The following TLR6 variants were observed in gnomAD, a reference collection of about 807,000 sequenced individuals.
TLR6 encodes the protein toll like receptor 6.
A neutral mutation model predicts 16.1 loss-of-function variants in TLR6; 9 were observed. The ratio of observed to expected loss-of-function variants is 0.56; its 90% CI spans 0.34 to 0.98. TLR6 has a LOEUF of 0.98. Ranked by LOEUF, TLR6 falls within the 50% of genes least tolerant of loss-of-function variation. TLR6 has a pLI of 0.02. For missense variants in TLR6, 786 were observed against 921.0 expected, an observed-to-expected ratio of 0.85 and a Z score of 1.90; for synonymous variants, 340 against 338.6, an observed-to-expected ratio of 1.00 and a Z score of -0.04.
At chr4:38,828,313 A>G in exon 2 of TLR6, 1 of 1,613,512 alleles carries the variant, frequency 6.2e-7, no homozygotes, top group South Asian at 1.1e-5. Context: ...CTTTTAATCC[A>G]TTCTTTTGTA....
intron 1 of TLR6, among the ~76,000 whole-genome samples, chr4:38,844,793 C>T (rs140422291): frequency 4.6e-4 from 70 of 152,282 alleles, no homozygotes; most frequent in African/African-American, 1.6e-3. Context: ...GTGGCTCATA[C>T]CTGTAATCCC....
intron 1 of TLR6, among the ~76,000 whole-genome samples, chr4:38,834,064 T>TA (rs372189493): frequency 0.17 from 23,305 of 137,368 alleles, 2,232 homozygotes; most frequent in Middle Eastern, 0.41. Context: ...ATATCTGTAC[T>TA]AAAAAAAAAA....
intron 1 of TLR6, among the ~76,000 whole-genome samples, chr4:38,853,229 G>C (rs1307220055): frequency 8.0e-6 from 1 of 125,266 alleles, no homozygotes; most frequent in African/African-American, 3.0e-5. Flanking sequence ...GGGGCCTGTC[G>C]TGGGGTGGGG....
chr4:38,854,274 C>T (rs1239670971), intron 1 of TLR6, among the ~76,000 whole-genome samples: 1 of 152,136 alleles, frequency 6.6e-6, no homozygotes, highest in Non-Finnish European at 1.5e-5. Context: ...TGCTATAAAA[C>T]ATATTCAGTA....
intron 1 of TLR6, among the ~76,000 whole-genome samples, chr4:38,849,793 C>A (rs1560271552): frequency 6.6e-6 from 1 of 152,144 alleles, no homozygotes; most frequent in Non-Finnish European, 1.5e-5. Context: ...TAATGGGAGA[C>A]TTTAACACCC....
chr4:38,861,156 C>A (rs960728713), upstream of TLR6, among the ~76,000 whole-genome samples: 1 of 151,964 alleles, frequency 6.6e-6, no homozygotes, highest in South Asian at 2.1e-4. Flanking sequence ...CTTCTCATTG[C>A]AGTCATCTAG....
At chr4:38,853,393 G>T (rs144386856) in intron 1 of TLR6, among the ~76,000 whole-genome samples, 2,163 of 150,676 alleles carry the variant, frequency 0.014, 40 homozygotes, top group East Asian at 0.068. Context: ...AAAAAAAAAA[G>T]AATGCACACA....
chr4:38,860,011 C>T (rs1031062995), upstream of TLR6, among the ~76,000 whole-genome samples: 8 of 152,056 alleles, frequency 5.3e-5, no homozygotes, highest in Admixed American at 2.0e-4. Flanking sequence ...TGTCCCAATA[C>T]AGACACAGGC....
Position 38,853,219 on chromosome 4 carries a change from G to A in TLR6, c.-65+3542C>T, listed in dbSNP as rs567699586. ...CACAGGAAAGGGAACATAACACACT[G>A]GGGCCTGTCGTGGGGTGGGGGGAGG... On this transcript the variant is annotated intron_variant, in intron 1 of 1. Transcript: ENST00000436693. 8.2e-4 allele frequency among the ~76,000 whole-genome samples: 111 copies of A among 135,192 alleles called. 3 individuals are homozygous for A. Among genetic ancestry groups the A allele is most frequent in the African/African-American group, 2.8e-3 (101 of 35,942 alleles). The allele number at this position is 135,192 out of a possible 152,430, so 88.7% of individuals were successfully genotyped here. A position where few individuals can be genotyped will look rare whatever the true frequency, so the allele number is the denominator to read the frequency against.
At chr4:38,829,028 T>C in exon 2 of TLR6, 1 of 1,614,138 alleles carries the variant, frequency 6.2e-7, no homozygotes, top group Non-Finnish European at 8.5e-7. Flanking sequence ...TCCCAAGAAA[T>C]TCAGTTGTGA....
In TLR6 at chr4:38,827,445, T is replaced by G. The variant is rs972332343; in HGVS notation, c.2029A>C (p.Asn677His). Reference sequence around the variant, plus strand: ...ACAATGCTCTTGCCAGGGACAAAGTTTCTCTCATGAAGACAAATCTGTATA... The same window carrying G: ...ACAATGCTCTTGCCAGGGACAAAGTGTCTCTCATGAAGACAAATCTGTATA... Residue 677 changes from asparagine (N) to histidine (H), a missense_variant, in exon 2 of 2, where the codon AAC becomes CAC. Physicochemically the swap from Asn to His is moderately conservative, Grantham distance 68 (BLOSUM62 1). Coordinates refer to ENST00000436693, the Ensembl canonical transcript of TLR6. 6.2e-7 allele frequency: 1 copy of G among 1,614,230 alleles called. No homozygotes were observed. Among genetic ancestry groups the G allele is most frequent in the Non-Finnish European group, 8.5e-7 (1 of 1,180,038 alleles).
chr4:38,856,575 C>T (rs978557622), intron 1 of TLR6, among the ~76,000 whole-genome samples, 186 bp downstream of exon 1: 1 of 152,204 alleles, frequency 6.6e-6, no homozygotes, highest in African/African-American at 2.4e-5. Flanking sequence ...AAAGACGCTG[C>T]TCTTCATCCT....
chr4:38,844,450 A>G (rs892823800), intron 1 of TLR6, among the ~76,000 whole-genome samples: 4 of 152,240 alleles, frequency 2.6e-5, no homozygotes, highest in Non-Finnish European at 4.4e-5. Context: ...AAATGTTACA[A>G]AACACATGGA....
At chr4:38,855,338 G>C (rs1712939201) in intron 1 of TLR6, among the ~76,000 whole-genome samples, 1 of 151,974 alleles carries the variant, frequency 6.6e-6, no homozygotes, top group Non-Finnish European at 1.5e-5. Context: ...ACTAATAATA[G>C]TGGTTCTCTG....
the TLR6 span, among the ~76,000 whole-genome samples, chr4:38,865,663 A>G: frequency 6.6e-6 from 1 of 152,248 alleles, no homozygotes; most frequent in African/African-American, 2.4e-5. Context: ...TCGCAAAGCC[A>G]GAACTGGAAG....
intron 1 of TLR6, among the ~76,000 whole-genome samples, chr4:38,846,684 G>A (rs987858182): frequency 6.6e-6 from 1 of 152,118 alleles, no homozygotes; most frequent in Non-Finnish European, 1.5e-5. Context: ...GTACCAAAAA[G>A]TATTGATGAC....
the TLR6 span, among the ~76,000 whole-genome samples, chr4:38,862,566 C>A: frequency 6.7e-6 from 1 of 150,142 alleles, no homozygotes; most frequent in Non-Finnish European, 1.5e-5. Context: ...CAGGCGTGTG[C>A]CACCACACCT....
chr4:38,827,697 C>T, exon 2 of TLR6: 1 of 1,614,210 alleles, frequency 6.2e-7, no homozygotes, highest in Non-Finnish European at 8.5e-7. Context: ...AGCATGGTGG[C>T]ACCGATGGTG....
intron 1 of TLR6, among the ~76,000 whole-genome samples, chr4:38,855,114 A>T (rs1310876756): frequency 6.6e-6 from 1 of 151,476 alleles, no homozygotes. Flanking sequence ...CGGGAGGCTG[A>T]GGCAGGAGAA....
Sources: gnomAD v4.1 joint callset for allele counts (sites outside exome capture counted in the v4.1 genomes callset) on GRCh38, gnomAD v4.1.1 for gene constraint, MANE v1.5 for transcripts, NCBI Gene and HGNC (gene_info 2026-07-23, HGNC 2026-07-21) for gene names.